Variants in BTBD9 observed in about 807,000 individuals in gnomAD.
BTBD9 encodes the protein BTB/POZ domain-containing protein 9.
Under a neutral mutation model 64.3 loss-of-function variants are expected in BTBD9, and 49 were observed. That is an observed-to-expected ratio of 0.76 (90% CI 0.61 to 0.97). The LOEUF is 0.97. BTBD9 is among the 50% of genes least tolerant of loss of function. The pLI, the probability that BTBD9 is intolerant of heterozygous loss-of-function variation, is 0.00. For missense variants in BTBD9, 598 were observed against 762.1 expected (o/e 0.78, Z 2.53); for synonymous variants, 260 against 274.7 (o/e 0.95, Z 0.53).
intron 8 of BTBD9, among the ~76,000 whole-genome samples, chr6:38,270,269 A>G (rs1379351712): frequency 1.3e-5 from 2 of 152,156 alleles, no homozygotes; most frequent in Non-Finnish European, 2.9e-5. Flanking sequence ...TAGGACCTAC[A>G]TGGGCATCCT....
chr6:38,604,873 T>C (rs1318500765), intron 1 of BTBD9, among the ~76,000 whole-genome samples: 1 of 152,140 alleles, frequency 6.6e-6, no homozygotes, highest in Admixed American at 6.6e-5. Context: ...GATGTGTTTG[T>C]ATGTATTTAT....
At chr6:38,439,096 C>G (rs1016649018) in intron 6 of BTBD9, among the ~76,000 whole-genome samples, 10 of 140,826 alleles carry the variant, frequency 7.1e-5, no homozygotes, top group African/African-American at 2.5e-4. Flanking sequence ...CTTGTAGGCT[C>G]GTGTAGCAAC....
At chr6:38,343,548 G>A (rs1056512580) in intron 7 of BTBD9, among the ~76,000 whole-genome samples, 4 of 152,032 alleles carry the variant, frequency 2.6e-5, no homozygotes, top group African/African-American at 4.8e-5. Context: ...TACAGTCTAT[G>A]GAAGAGCCTG....
chr6:38,303,874 T>G (rs6919179), intron 7 of BTBD9, among the ~76,000 whole-genome samples: 1 of 82,650 alleles, frequency 1.2e-5, no homozygotes, highest in South Asian at 4.2e-4. Context: ...TATATATATA[T>G]ACACACACAC....
At chr6:38,586,099 G>A in intron 4 of BTBD9, among the ~76,000 whole-genome samples, 1 of 151,964 alleles carries the variant, frequency 6.6e-6, no homozygotes, top group Non-Finnish European at 1.5e-5. Context: ...TAAACATTCA[G>A]AAACAAGAAA....
chr6:38,481,573 G>C (rs1771143618), intron 6 of BTBD9: 1 of 152,184 alleles, frequency 6.6e-6, no homozygotes, highest in Non-Finnish European at 1.5e-5. Flanking sequence ...TGGGAAGCGG[G>C]GCACATGAGG....
At chr6:38,449,792 AG>A in intron 6 of BTBD9, among the ~76,000 whole-genome samples, 1 of 152,286 alleles carries the variant, frequency 6.6e-6, no homozygotes, top group African/African-American at 2.4e-5. Flanking sequence ...AATGGATTGA[AG>A]CCTTAGATGT....
rs373881569 is a variant in BTBD9, at chr6:38,594,336, C to G, written c.186-9G>C. On this transcript the variant is annotated splice_polypyrimidine_tract_variant and intron_variant, in intron 2 of 10. Coordinates refer to ENST00000481247, the MANE Select transcript of BTBD9 (RefSeq NM_001099272.2). ...CACCATATAATAATGCTCTGCACATCAGGGAAGAAACACATGAAGAAACCC... is the reference window on the plus strand; with the variant it reads ...CACCATATAATAATGCTCTGCACATGAGGGAAGAAACACATGAAGAAACCC... 6.3e-6 allele frequency: 10 copies of G among 1,580,640 alleles called. No homozygotes were observed. The highest frequency in any genetic ancestry group is 1.4e-5 in the African/African-American group (1 of 73,708).
chr6:38,185,079 C>T (rs1040545900), intron 10 of BTBD9, among the ~76,000 whole-genome samples: 1 of 151,500 alleles, frequency 6.6e-6, no homozygotes, highest in African/African-American at 2.4e-5. Context: ...CTCCCACCCT[C>T]CCAGGTCCTC....
At chr6:38,564,923 T>C (rs562976184) in intron 6 of BTBD9, among the ~76,000 whole-genome samples, 1 of 151,818 alleles carries the variant, frequency 6.6e-6, no homozygotes, top group South Asian at 2.1e-4. Context: ...ATAAAAAAGA[T>C]CTCACTATAT....
At chr6:38,277,630 AG>A (rs1003138716) in intron 8 of BTBD9, among the ~76,000 whole-genome samples, 8 of 152,154 alleles carry the variant, frequency 5.3e-5, no homozygotes, top group African/African-American at 1.9e-4. Flanking sequence ...CACCATGCCC[AG>A]CCAGCTACAG....
At chr6:38,395,942 C>T (rs1000778749) in intron 6 of BTBD9, among the ~76,000 whole-genome samples, 1 of 152,106 alleles carries the variant, frequency 6.6e-6, no homozygotes, top group Non-Finnish European at 1.5e-5. Context: ...ATCTCCTGAC[C>T]TCGTGATTCG....
chr6:38,419,840 A>G (rs1330805493), intron 6 of BTBD9, among the ~76,000 whole-genome samples: 1 of 152,170 alleles, frequency 6.6e-6, no homozygotes, highest in Non-Finnish European at 1.5e-5. Context: ...ACTGCACTCC[A>G]CCCTGGGCAA....
intron 8 of BTBD9, among the ~76,000 whole-genome samples, chr6:38,269,961 G>A (rs780956493): frequency 1.3e-5 from 2 of 152,132 alleles, no homozygotes; most frequent in Non-Finnish European, 2.9e-5. Flanking sequence ...AGGGTAAACC[G>A]TACAGAAACC....
chr6:38,613,451 G>A (rs1318773772), intron 1 of BTBD9, among the ~76,000 whole-genome samples: 8 of 152,042 alleles, frequency 5.3e-5, no homozygotes, highest in African/African-American at 1.7e-4. Context: ...GTGAAACCCC[G>A]TCTCTACTAA....
intron 6 of BTBD9, among the ~76,000 whole-genome samples, chr6:38,455,711 TG>T (rs1416215936): frequency 6.6e-6 from 1 of 152,214 alleles, no homozygotes; most frequent in Non-Finnish European, 1.5e-5. Flanking sequence ...CTTTTTTGTT[TG>T]TTTTTTTGTT....
intron 9 of BTBD9, among the ~76,000 whole-genome samples, chr6:38,193,180 C>G (rs1762155003): frequency 6.6e-6 from 1 of 152,172 alleles, no homozygotes; most frequent in African/African-American, 2.4e-5. Flanking sequence ...GCAGAATGAC[C>G]TCAGTCGTTC....
intron 6 of BTBD9, among the ~76,000 whole-genome samples, chr6:38,560,857 T>C (rs953490398): frequency 9.9e-5 from 15 of 152,210 alleles, no homozygotes; most frequent in Admixed American, 3.3e-4. Context: ...ACTGGATTAG[T>C]TTGTTAAAGA....
intron 6 of BTBD9, among the ~76,000 whole-genome samples, chr6:38,355,457 C>G (rs569950242): frequency 1.4e-4 from 21 of 152,116 alleles, no homozygotes; most frequent in Non-Finnish European, 4.4e-5. Context: ...AGAGTTTTAC[C>G]ATTCATGACC....
Sources: gnomAD v4.1 joint callset for allele counts (sites outside exome capture counted in the v4.1 genomes callset) on GRCh38, gnomAD v4.1.1 for gene constraint, MANE v1.5 for transcripts, NCBI Gene and HGNC (gene_info 2026-07-23, HGNC 2026-07-21) for gene names.